TBC1D32: variants seen among roughly 807,000 people sequenced by gnomAD.
The protein encoded by TBC1D32 is protein broad-minded.
Under a neutral mutation model 170.3 loss-of-function variants are expected in TBC1D32, and 151 were observed. The ratio of observed to expected loss-of-function variants is 0.89; its 90% CI spans 0.78 to 1.01. TBC1D32 has a LOEUF of 1.01. Ranked by LOEUF, TBC1D32 falls within the 50% of genes least tolerant of loss-of-function variation. TBC1D32 has a pLI of 0.00. For synonymous variants in TBC1D32, 498 were observed against 488.0 expected (o/e 1.02, Z -0.27); for missense variants, 1,464 against 1,457.1 (o/e 1.00, Z -0.08).
chr6:121,120,275 C>T (rs1273717), intron 26 of TBC1D32, among the ~76,000 whole-genome samples: 27,896 of 151,844 alleles, frequency 0.18, 3,451 homozygotes, highest in African/African-American at 0.33. Context: ...TCAACAAAGC[C>T]GACATCTGAG....
At chr6:121,175,304 G>C (rs1787616136) in intron 22 of TBC1D32, among the ~76,000 whole-genome samples, 2 of 152,170 alleles carry the variant, frequency 1.3e-5, no homozygotes, top group Non-Finnish European at 2.9e-5. Context: ...GATGTACAAT[G>C]AGGTGATCCA....
intron 31 of TBC1D32, among the ~76,000 whole-genome samples, chr6:121,089,800 T>A (rs1417027154): frequency 6.6e-6 from 1 of 152,068 alleles, no homozygotes; most frequent in Non-Finnish European, 1.5e-5. Flanking sequence ...ATAAAATTAA[T>A]TTACATAGAA....
chr6:121,296,429 A>T (rs1805655255), intron 10 of TBC1D32, among the ~76,000 whole-genome samples: 1 of 152,066 alleles, frequency 6.6e-6, no homozygotes, highest in Admixed American at 6.6e-5. Flanking sequence ...GCCTCCTAGA[A>T]ATCTGCATTT....
At chr6:121,259,363 A>C (rs1291752014) in intron 15 of TBC1D32, among the ~76,000 whole-genome samples, 1 of 152,102 alleles carries the variant, frequency 6.6e-6, no homozygotes, top group Admixed American at 6.6e-5. Flanking sequence ...AAATTTGACT[A>C]CATGTAAATT....
intron 30 of TBC1D32, among the ~76,000 whole-genome samples, chr6:121,097,957 A>T (rs1450761038): frequency 6.6e-6 from 1 of 151,822 alleles, no homozygotes; most frequent in Non-Finnish European, 1.5e-5. Context: ...AGAAAACTAA[A>T]CACTGCATCT....
chr6:121,174,223 T>C (rs970305544), intron 22 of TBC1D32, among the ~76,000 whole-genome samples: 2 of 151,814 alleles, frequency 1.3e-5, no homozygotes, highest in African/African-American at 4.8e-5. Flanking sequence ...ATAACAAATA[T>C]AAGGAACAGA....
intron 8 of TBC1D32, among the ~76,000 whole-genome samples, chr6:121,303,999 T>A (rs1468701768): frequency 6.6e-6 from 1 of 151,930 alleles, no homozygotes. Flanking sequence ...CAACTTAGTA[T>A]AAATTTTAGA....
intron 31 of TBC1D32, among the ~76,000 whole-genome samples, chr6:121,083,402 T>C (rs1048799223): frequency 6.6e-6 from 1 of 152,090 alleles, no homozygotes; most frequent in Admixed American, 6.6e-5. Context: ...AACTGGTATG[T>C]TTTTAATAAT....
chr6:121,202,836 T>C (rs571949658), intron 22 of TBC1D32, among the ~76,000 whole-genome samples: 1 of 151,452 alleles, frequency 6.6e-6, no homozygotes, highest in Admixed American at 6.5e-5. Flanking sequence ...CAATTTAAAA[T>C]TCAGAACTTT....
chr6:121,209,225 A>G (rs1332274557), intron 21 of TBC1D32, among the ~76,000 whole-genome samples: 1 of 152,046 alleles, frequency 6.6e-6, no homozygotes, highest in Non-Finnish European at 1.5e-5. Flanking sequence ...AAGTTTGGAG[A>G]TATGTATACA....
chr6:121,241,688 G>T, intron 18 of TBC1D32, 136 bp from the exon 19 acceptor site: 3 of 768,560 alleles, frequency 3.9e-6, no homozygotes. Context: ...ATCTTAAAAA[G>T]CCCAAAAGTC....
chr6:121,264,165 T>C (rs953017326), intron 15 of TBC1D32, among the ~76,000 whole-genome samples: 2 of 150,504 alleles, frequency 1.3e-5, no homozygotes, highest in Non-Finnish European at 3.0e-5. Flanking sequence ...CTTGAAAAAA[T>C]AAAATAGACC....
chr6:121,272,508 A>C (rs1801603510), intron 15 of TBC1D32, among the ~76,000 whole-genome samples: 1 of 152,222 alleles, frequency 6.6e-6, no homozygotes, highest in African/African-American at 2.4e-5. Context: ...ACATGAAAAA[A>C]TGCTCATCAT....
chr6:121,241,425 T>G (rs764475943), intron 19 of TBC1D32, 40 bp downstream of exon 19: 5 of 1,535,546 alleles, frequency 3.3e-6, no homozygotes, highest in Non-Finnish European at 4.4e-6. Flanking sequence ...TCATTTTATC[T>G]TTAAAATAAT....
intron 31 of TBC1D32, among the ~76,000 whole-genome samples, chr6:121,089,493 T>G (rs1776593139): frequency 6.6e-6 from 1 of 152,174 alleles, no homozygotes; most frequent in South Asian, 2.1e-4. Flanking sequence ...ACATTTTGTA[T>G]TCAACATAAT....
chr6:121,215,471 A>G (rs1793703326), intron 21 of TBC1D32, among the ~76,000 whole-genome samples: 1 of 152,238 alleles, frequency 6.6e-6, no homozygotes, highest in African/African-American at 2.4e-5. Flanking sequence ...CATGACAAAG[A>G]CGCCAAAACC....
rs962136082 is a variant in TBC1D32, at chr6:121,268,105, C to T, written c.1733+11016G>A. ...TATCCACACCAAAACCCCATCTGTACGTCACCATCATAAAAGAAAAAAGGT... is the reference window on the plus strand; with the variant it reads ...TATCCACACCAAAACCCCATCTGTATGTCACCATCATAAAAGAAAAAAGGT... On this transcript the variant is annotated intron_variant, in intron 15 of 31. Transcript: ENST00000398212. 2.6e-5 allele frequency among the ~76,000 whole-genome samples: 4 copies of T among 152,108 alleles called. No homozygotes were observed. The South Asian group carries it at 6.2e-4, about 24-fold the overall frequency.
intron 15 of TBC1D32, among the ~76,000 whole-genome samples, chr6:121,269,115 C>A (rs1313205697): frequency 2.0e-5 from 3 of 152,132 alleles, no homozygotes; most frequent in Admixed American, 2.0e-4. Context: ...GAAGGAAGCA[C>A]TAAACATGGA....
chr6:121,251,901 G>A (rs1798343390), intron 17 of TBC1D32, among the ~76,000 whole-genome samples: 1 of 152,116 alleles, frequency 6.6e-6, no homozygotes, highest in South Asian at 2.1e-4. Flanking sequence ...GATATGAACA[G>A]ACACTTCTGA....
Sources: allele counts gnomAD v4.1 joint callset (sites outside exome capture counted in the v4.1 genomes callset), GRCh38; gene constraint gnomAD v4.1.1; transcripts MANE v1.5; gene names NCBI Gene and HGNC (gene_info 2026-07-23, HGNC 2026-07-21).